The following CACNA2D3 variants were observed in gnomAD, a reference collection of about 807,000 sequenced individuals.
CACNA2D3 encodes the protein voltage-dependent calcium channel subunit alpha-2/delta-3.
A neutral mutation model predicts 160.6 loss-of-function variants in CACNA2D3; 60 were observed. The ratio of observed to expected loss-of-function variants is 0.37; its 90% CI spans 0.30 to 0.46. The LOEUF (loss-of-function observed/expected upper bound fraction) is 0.46. Among genes scored for constraint, CACNA2D3 ranks in the 20% least tolerant of loss-of-function variants. The pLI, the probability that CACNA2D3 is intolerant of heterozygous loss-of-function variation, is 1.00. For synonymous variants in CACNA2D3, 558 were observed against 492.9 expected (o/e 1.13, Z -1.75); for missense variants, 1,205 against 1,365.0 (o/e 0.88, Z 1.85).
intron 14 of CACNA2D3, among the ~76,000 whole-genome samples, chr3:54,824,403 T>G (rs1703705457): frequency 6.6e-6 from 1 of 152,184 alleles, no homozygotes; most frequent in Non-Finnish European, 1.5e-5. Flanking sequence ...AAGGACTACC[T>G]TGGCTTAAAA....
At chr3:54,816,794 A>C in intron 13 of CACNA2D3, 59 bp from the exon 14 acceptor site, 1 of 1,584,046 alleles carries the variant, frequency 6.3e-7, no homozygotes. Context: ...TTTACCATTA[A>C]TTACTTATAT....
At chr3:54,357,432 A>T (rs1287718324) in intron 3 of CACNA2D3, among the ~76,000 whole-genome samples, 1 of 152,216 alleles carries the variant, frequency 6.6e-6, no homozygotes, top group Non-Finnish European at 1.5e-5. Context: ...ATTGCTGGTG[A>T]GGATGTGAAG....
At chr3:54,888,762 A>G (rs1374402925) in intron 24 of CACNA2D3, among the ~76,000 whole-genome samples, 1 of 148,642 alleles carries the variant, frequency 6.7e-6, no homozygotes, top group Non-Finnish European at 1.5e-5. Context: ...TCATTCCCTC[A>G]TTGTATCTTC....
At chr3:54,329,075 A>G (rs762047288) in intron 3 of CACNA2D3, among the ~76,000 whole-genome samples, 1 of 152,178 alleles carries the variant, frequency 6.6e-6, no homozygotes, top group Admixed American at 6.5e-5. Context: ...GAGCACCCAG[A>G]CTGACCACCA....
At chr3:54,499,442 T>G (rs949856839) in intron 4 of CACNA2D3, among the ~76,000 whole-genome samples, 8 of 152,194 alleles carry the variant, frequency 5.3e-5, no homozygotes, top group South Asian at 2.1e-4. Context: ...ACATTTTTTC[T>G]GCTTACTTTA....
intron 4 of CACNA2D3, among the ~76,000 whole-genome samples, chr3:54,481,264 C>T (rs1296954411): frequency 6.6e-6 from 1 of 152,230 alleles, no homozygotes; most frequent in African/African-American, 2.4e-5. Flanking sequence ...CATCAGCTTT[C>T]CTCAAACCTT....
chr3:54,165,851 C>A (rs1304332762), intron 2 of CACNA2D3, among the ~76,000 whole-genome samples: 2 of 152,090 alleles, frequency 1.3e-5, no homozygotes, highest in African/African-American at 4.8e-5. Flanking sequence ...CTCTGGATCC[C>A]TCTTTGTCCC....
intron 3 of CACNA2D3, among the ~76,000 whole-genome samples, chr3:54,362,030 C>T (rs937677911): frequency 3.9e-5 from 6 of 152,124 alleles, no homozygotes; most frequent in Non-Finnish European, 5.9e-5. Flanking sequence ...CAGCATTTCC[C>T]GTAACTGATT....
At chr3:54,360,596 G>C (rs574506950) in intron 3 of CACNA2D3, among the ~76,000 whole-genome samples, 2 of 152,184 alleles carry the variant, frequency 1.3e-5, no homozygotes, top group East Asian at 3.9e-4. Context: ...TCTGACCCTG[G>C]GCTGTGTCAC....
chr3:54,151,261 C>T (rs934198457), intron 2 of CACNA2D3, among the ~76,000 whole-genome samples: 16 of 143,064 alleles, frequency 1.1e-4, no homozygotes, highest in South Asian at 2.3e-4. Context: ...GTGAATGGAC[C>T]GGTGGGTGAA....
intron 2 of CACNA2D3, among the ~76,000 whole-genome samples, chr3:54,130,324 A>T (rs1309868207): frequency 1.3e-5 from 2 of 152,226 alleles, no homozygotes; most frequent in African/African-American, 4.8e-5. Context: ...TTTTATGAGT[A>T]ACAGGTCAAG....
intron 8 of CACNA2D3, among the ~76,000 whole-genome samples, chr3:54,579,331 C>T (rs952743913): frequency 6.6e-6 from 1 of 152,146 alleles, no homozygotes; most frequent in Admixed American, 6.5e-5. Flanking sequence ...ACACTGGCTC[C>T]GTCTTCCTGC....
intron 2 of CACNA2D3, among the ~76,000 whole-genome samples, chr3:54,203,743 T>C (rs1701217913): frequency 6.6e-6 from 1 of 152,014 alleles, no homozygotes; most frequent in Non-Finnish European, 1.5e-5. Flanking sequence ...GTCGGTGTGC[T>C]GTTCTGCCGA....
intron 2 of CACNA2D3, among the ~76,000 whole-genome samples, chr3:54,270,689 C>T (rs945136412): frequency 1.3e-5 from 2 of 152,192 alleles, no homozygotes; most frequent in African/African-American, 4.8e-5. Flanking sequence ...TAGCTCTTAT[C>T]TGGAGGCTCT....
intron 35 of CACNA2D3, among the ~76,000 whole-genome samples, chr3:55,022,747 A>G (rs1703487732): frequency 6.9e-6 from 1 of 145,110 alleles, no homozygotes; most frequent in Non-Finnish European, 1.5e-5. Flanking sequence ...AGTACACACT[A>G]TTCCTTTAGT....
At chr3:54,596,976 C>T (rs1702966401) in intron 9 of CACNA2D3, among the ~76,000 whole-genome samples, 1 of 152,110 alleles carries the variant, frequency 6.6e-6, no homozygotes, top group Non-Finnish European at 1.5e-5. Context: ...CCCCACAGGC[C>T]AGCATCTCAT....
At chr3:54,739,299 A>G (rs896389698) in intron 11 of CACNA2D3, among the ~76,000 whole-genome samples, 2 of 151,922 alleles carry the variant, frequency 1.3e-5, no homozygotes, top group Non-Finnish European at 2.9e-5. Context: ...GTGGGCATGT[A>G]GTCCCAGCTA....
chr3:54,218,098 C>T (rs1701496618), intron 2 of CACNA2D3, among the ~76,000 whole-genome samples: 2 of 152,114 alleles, frequency 1.3e-5, no homozygotes, highest in Non-Finnish European at 2.9e-5. Flanking sequence ...AGAGGTTTGA[C>T]TCCCCAAACT....
Position 54,479,387 on chromosome 3 carries a change from T to C in CACNA2D3, c.382-24105T>C, listed in dbSNP as rs116041471. ...TCAGTACTGTTCATGATTTCAGACA[T>C]TGACTGGGAGTCTTGGGACATATCC... On this transcript the variant is annotated intron_variant, in intron 4 of 37. Coordinates refer to ENST00000474759, the MANE Select transcript of CACNA2D3 (RefSeq NM_018398.3). 2.5e-3 allele frequency among the ~76,000 whole-genome samples: 378 copies of C among 152,324 alleles called. 4 individuals are homozygous for C. Among genetic ancestry groups the C allele is most frequent in the Non-Finnish European group, 4.5e-3 (303 of 68,034 alleles).
Sources: allele counts gnomAD v4.1 joint callset (sites outside exome capture counted in the v4.1 genomes callset), GRCh38; gene constraint gnomAD v4.1.1; transcripts MANE v1.5; gene names NCBI Gene and HGNC (gene_info 2026-07-23, HGNC 2026-07-21).